Variants in PTPRS observed in about 807,000 individuals in gnomAD.
PTPRS encodes protein tyrosine phosphatase receptor type S, also known as receptor-type tyrosine-protein phosphatase S.
PTPRS carries 63 observed loss-of-function variants against 215.3 expected under a neutral mutation model. That is an observed-to-expected ratio of 0.29 (90% CI 0.24 to 0.36). The LOEUF (loss-of-function observed/expected upper bound fraction) is 0.36. Among genes scored for constraint, PTPRS ranks in the 10% least tolerant of loss-of-function variants. The pLI is 1.00. For missense variants in PTPRS, 2,258 were observed against 2,825.8 expected (o/e 0.80, Z 4.56); for synonymous variants, 1,404 against 1,191.4 (o/e 1.18, Z -3.68).
At chr19:5,251,527 C>A (rs77938895) in intron 9 of PTPRS, among the ~76,000 whole-genome samples, 3,023 of 151,834 alleles carry the variant, frequency 0.02, 112 homozygotes, top group African/African-American at 0.069. Context: ...CACCACCCCC[C>A]CAACCTCGCT....
intron 2 of PTPRS, among the ~76,000 whole-genome samples, chr19:5,277,129 G>A (rs1380549329): frequency 2.7e-5 from 4 of 149,218 alleles, no homozygotes; most frequent in Non-Finnish European, 5.9e-5. Context: ...GCGCGATCTT[G>A]GCTCACGGCA....
At position 5,295,950 on chromosome 19, in the gene PTPRS, C is replaced by T. The variant is rs1412277056; in HGVS notation, c.-94-9716G>A. On this transcript the variant is annotated intron_variant, in intron 1 of 37. Transcript: ENST00000262963. This position sits in a 1 kb window ranked among gnomAD's most constrained non-coding sequence, Gnocchi z 4.6. ...TTGGATTTTTTTGTAGACATGGGAT[C>T]TCCCCATGTTGCCCCGACTGGTCTC... 6.6e-6 allele frequency among the ~76,000 whole-genome samples: 1 copy of T among 152,112 alleles called. No homozygotes were observed. The highest frequency in any genetic ancestry group is 2.4e-5 in the African/African-American group (1 of 41,436).
At chr19:5,238,489 C>T (rs2043683823) in intron 13 of PTPRS, among the ~76,000 whole-genome samples, 1 of 152,140 alleles carries the variant, frequency 6.6e-6, no homozygotes, top group African/African-American at 2.4e-5. Context: ...GTCCTTTGCT[C>T]TGAGAATGAT....
At chr19:5,250,486 C>T (rs1236501414) in intron 9 of PTPRS, among the ~76,000 whole-genome samples, 2 of 152,128 alleles carry the variant, frequency 1.3e-5, no homozygotes, top group East Asian at 1.9e-4. Context: ...GGGACCCCCG[C>T]CCCCAATTAC....
In PTPRS at chr19:5,229,241, C is replaced by T. The variant is rs2042790216; in HGVS notation, c.2376+75G>A. The T allele has an allele frequency of 6.1e-6, 8 of 1,309,560 alleles. No individual in the cohort carries two copies. In the East Asian group the frequency reaches 1.2e-4, roughly 19 times the overall value. 81.1% of individuals were successfully genotyped at this position (1,309,560 alleles called of 1,614,324 possible). ...CCGTTTTACTACTGATGATAAGGGGCGTGCAGGAGTCACAGCACAGCACGG... is the reference window on the plus strand; with the variant it reads ...CCGTTTTACTACTGATGATAAGGGGTGTGCAGGAGTCACAGCACAGCACGG... On this transcript the variant is annotated intron_variant, in intron 16 of 37. Transcript: ENST00000262963.
intron 1 of PTPRS, among the ~76,000 whole-genome samples, chr19:5,317,926 C>T (rs889005915): frequency 6.6e-6 from 1 of 152,150 alleles, no homozygotes; most frequent in Admixed American, 6.5e-5. Context: ...AATCCCAGCA[C>T]GTTGGGATGC....
At position 5,295,966 on chromosome 19, in the gene PTPRS, G is replaced by A. The variant is rs1025826507; in HGVS notation, c.-94-9732C>T. On this transcript the variant is annotated intron_variant, in intron 1 of 37. Coordinates refer to ENST00000262963, the MANE Select transcript of PTPRS (RefSeq NM_002850.4). The surrounding 1 kb of genome is among the most constrained non-coding windows in gnomAD (Gnocchi z 4.6). ...ACATGGGATCTCCCCATGTTGCCCC[G>A]ACTGGTCTCGAACTCCTAGACTCAA... Among the ~76,000 whole-genome samples, 2 of 152,024 alleles carry A rather than the reference G, an allele frequency of 1.3e-5. No homozygotes were observed. Among genetic ancestry groups the A allele is most frequent in the Admixed American group, 1.3e-4 (2 of 15,250 alleles).
intron 1 of PTPRS, among the ~76,000 whole-genome samples, chr19:5,314,552 TA>T (rs558487875): frequency 5.9e-5 from 9 of 151,826 alleles, no homozygotes; most frequent in Admixed American, 2.6e-4. Flanking sequence ...TTTATTTATT[TA>T]AAAAAAAATT....
intron 2 of PTPRS, among the ~76,000 whole-genome samples, chr19:5,285,441 C>A (rs1250154123): frequency 6.6e-6 from 1 of 152,234 alleles, no homozygotes; most frequent in Non-Finnish European, 1.5e-5. Context: ...CTTTCATCTG[C>A]AGGCCTTCCC....
rs778507643 is a variant in PTPRS at position 5,225,873 on chromosome 19, C to T, written c.2377-29G>A. 24 of 1,590,286 alleles carry T rather than the reference C, an allele frequency of 1.5e-5. No homozygotes were observed. In the Middle Eastern group the frequency reaches 1.4e-3, roughly 90 times the overall value. On this transcript the variant is annotated intron_variant, in intron 16 of 37. Coordinates refer to ENST00000262963, the MANE Select transcript of PTPRS (RefSeq NM_002850.4). ...CAGGCACGGCTGGGGGTCAGCACGA[C>T]GGCTGGGGCTGGGAGCAGCCCCACC...
At chr19:5,334,475 A>C (rs2050429316) in intron 1 of PTPRS, among the ~76,000 whole-genome samples, 1 of 152,222 alleles carries the variant, frequency 6.6e-6, no homozygotes, top group East Asian at 1.9e-4. Flanking sequence ...CAGATGAGGA[A>C]GACGGAAGCA....
intron 1 of PTPRS, among the ~76,000 whole-genome samples, chr19:5,299,851 C>T (rs2049249964): frequency 6.6e-6 from 1 of 151,852 alleles, no homozygotes; most frequent in Non-Finnish European, 1.5e-5. Context: ...GCCTGGGCAA[C>T]AAGAGTGAAA....
chr19:5,333,047 G>T (rs907123618), intron 1 of PTPRS, among the ~76,000 whole-genome samples: 5 of 152,138 alleles, frequency 3.3e-5, no homozygotes, highest in African/African-American at 1.2e-4. Context: ...TACTCGGGAG[G>T]CTGAGGCAGG....
At chr19:5,262,925 G>T in intron 6 of PTPRS, 39 bp downstream of exon 6, 1 of 1,559,506 alleles carries the variant, frequency 6.4e-7, no homozygotes, top group Non-Finnish European at 8.8e-7. Context: ...AAAGGGGATG[G>T]GGCGTTAGTT....
chr19:5,260,471 C>T (rs958626208), intron 7 of PTPRS, among the ~76,000 whole-genome samples: 8 of 152,214 alleles, frequency 5.3e-5, no homozygotes, highest in African/African-American at 1.4e-4. Context: ...TGAACCACCG[C>T]GCCCGGCCTG....
In PTPRS at chr19:5,211,618, T is replaced by G. The variant is rs746834613; in HGVS notation, c.5206A>C (p.Ile1736Leu). 1.2e-6 allele frequency: 2 copies of G among 1,611,502 alleles called. No homozygotes were observed. Among genetic ancestry groups the G allele is most frequent in the Admixed American group, 1.7e-5 (1 of 59,948 alleles). Residue 1736 changes from isoleucine to leucine, a missense_variant, in exon 33 of 38, where the codon ATC (isoleucine) becomes CTC (leucine). Physicochemically the swap from Ile to Leu is conservative, Grantham distance 5 (BLOSUM62 2). Around this residue, in one of 6 missense-constraint regions of PTPRS, gnomAD observed 927 missense variants for 1,125.9 expected, o/e 0.82. Coordinates refer to ENST00000262963, the MANE Select transcript of PTPRS (RefSeq NM_002850.4). Reference protein sequence around the residue: ...PIRGVEGSDYINASFIDGYRQ... With the variant: ...PIRGVEGSDYLNASFIDGYRQ... ...TAGCCATCAATGAAGCTGGCGTTGA[T>G]GTAGTCAGAGCCCTCCACACCCCGG... is the stretch of plus-strand genomic sequence containing the variant.
At chr19:5,286,264 C>T (rs1013714784) in intron 1 of PTPRS, 30 bp from the exon 2 acceptor site, 12 of 1,074,174 alleles carry the variant, frequency 1.1e-5, no homozygotes, top group African/African-American at 1.6e-5. Flanking sequence ...CTGTGAGAGG[C>T]GAGTGGGGAA....
At chr19:5,320,866 A>G (rs1186558259) in intron 1 of PTPRS, among the ~76,000 whole-genome samples, 2 of 152,206 alleles carry the variant, frequency 1.3e-5, no homozygotes, top group Non-Finnish European at 2.9e-5. Flanking sequence ...CAGATGAGGA[A>G]ACTGAGGCCC....
intron 1 of PTPRS, among the ~76,000 whole-genome samples, chr19:5,311,770 G>A (rs1281302995): frequency 6.6e-6 from 1 of 152,186 alleles, no homozygotes; most frequent in East Asian, 1.9e-4. Flanking sequence ...GCCGGGTGCG[G>A]TGGCTCACGC....
Sources: gnomAD v4.1 joint callset for allele counts (sites outside exome capture counted in the v4.1 genomes callset) on GRCh38, gnomAD v4.1.1 for gene constraint, gnomAD v4.1.1 regional missense constraint, Gnocchi (gnomAD v3.1) non-coding constraint, MANE v1.5 for transcripts, NCBI Gene and HGNC (gene_info 2026-07-23, HGNC 2026-07-21) for gene names.